Variants in NPHP3 observed in about 807,000 individuals in gnomAD.
NPHP3 encodes nephrocystin-3.
In NPHP3, 123 loss-of-function variants were observed where a neutral mutation model predicts 171.9. The observed-to-expected ratio is 0.72, with a 90% CI of 0.62 to 0.83. NPHP3 has a LOEUF of 0.83. Among genes scored for constraint, NPHP3 ranks in the 40% least tolerant of loss-of-function variants. The pLI, the probability that NPHP3 is intolerant of heterozygous loss-of-function variation, is 0.00. For missense variants in NPHP3, 1,506 were observed against 1,591.9 expected, an observed-to-expected ratio of 0.95 and a Z score of 0.92; for synonymous variants, 558 against 579.2, an observed-to-expected ratio of 0.96 and a Z score of 0.52.
chr3:132,682,655 T>G, intron 26 of NPHP3, 48 bp downstream of exon 26: 1 of 1,062,818 alleles, frequency 9.4e-7, no homozygotes, highest in Non-Finnish European at 1.5e-6. Context: ...AAGACAAAGC[T>G]ACTTCGAATA....
intron 15 of NPHP3, 21 bp downstream of exon 15, chr3:132,696,710 T>C (rs553370053): frequency 4.4e-6 from 7 of 1,608,012 alleles, no homozygotes; most frequent in African/African-American, 1.3e-5. Flanking sequence ...CAGAAGATCA[T>C]GTAAAATAAT....
chr3:132,721,642 A>G, intron 1 of NPHP3: 1 of 490,108 alleles, frequency 2.0e-6, no homozygotes, highest in Non-Finnish European at 3.8e-6. Flanking sequence ...TAAACCAGAA[A>G]TAGAAAAGCG....
intron 8 of NPHP3, 118 bp from the exon 9 acceptor site, chr3:132,704,489 G>A: frequency 1.1e-6 from 1 of 882,608 alleles, no homozygotes. Flanking sequence ...CAAACATACA[G>A]CCTTTGTATA....
intron 18 of NPHP3, among the ~76,000 whole-genome samples, 161 bp downstream of exon 18, chr3:132,691,031 T>C (rs1430687135): frequency 6.6e-6 from 1 of 152,232 alleles, no homozygotes; most frequent in East Asian, 1.9e-4. Context: ...GACAAAATCA[T>C]CTTTTGCTCT....
chr3:132,714,499 T>C (rs114431392), intron 5 of NPHP3, among the ~76,000 whole-genome samples: 2,524 of 151,180 alleles, frequency 0.017, 72 homozygotes, highest in African/African-American at 0.058. Flanking sequence ...GTGGAGAATA[T>C]GCAATGAAAA....
At chr3:132,721,539 G>A in intron 1 of NPHP3, 1 of 313,506 alleles carries the variant, frequency 3.2e-6, no homozygotes, top group South Asian at 2.5e-5. Context: ...AGCCTTCTGA[G>A]GGGGTGGGCG....
chr3:132,720,950 C>G (rs1485259126), intron 1 of NPHP3, among the ~76,000 whole-genome samples: 1 of 151,882 alleles, frequency 6.6e-6, no homozygotes, highest in Non-Finnish European at 1.5e-5. Flanking sequence ...CGGAGTCTCG[C>G]TCTGTCACCC....
chr3:132,684,095 T>C (rs980073613), intron 24 of NPHP3, among the ~76,000 whole-genome samples: 3 of 152,158 alleles, frequency 2.0e-5, no homozygotes, highest in African/African-American at 4.8e-5. Context: ...TAGAACCCTA[T>C]GGCAAACAAT....
chr3:132,713,168 T>C lies in NPHP3; in HGVS notation c.1076A>G (p.Lys359Arg). Residue 359 changes from lysine to arginine, a missense_variant, in exon 6 of 27, where the codon AAA becomes AGA. By Grantham distance (26) the Lys-to-Arg change is conservative. Around this residue, in one of 3 missense-constraint regions of NPHP3, gnomAD observed 930 missense variants for 924.9 expected, o/e 1.01. Transcript: ENST00000337331. ...YLTVRKWEIE[K>R]SSLVILFIHL... ...AATAAATAAAATAACTAAAGAACTT[T>C]TCTCAATTTCCCATTTTCTTACAGT... is the stretch of plus-strand genomic sequence containing the variant. 1 of 1,514,636 alleles carries C rather than the reference T, an allele frequency of 6.6e-7. No individual in the cohort carries two copies. The highest frequency in any genetic ancestry group is 9.1e-7 in the Non-Finnish European group (1 of 1,103,078). 93.8% of individuals were successfully genotyped at this position (1,514,636 alleles called of 1,614,324 possible).
chr3:132,703,232 C>A (rs1939661976), intron 9 of NPHP3, among the ~76,000 whole-genome samples: 1 of 152,146 alleles, frequency 6.6e-6, no homozygotes. Context: ...TTGAAGAAAT[C>A]TAGTTAGTAA....
At chr3:132,682,606 AAG>A in intron 26 of NPHP3, 95 bp downstream of exon 26, 1 of 787,256 alleles carries the variant, frequency 1.3e-6, no homozygotes. Context: ...TCCCCACTCT[AAG>A]AAAAAACATT....
Position 132,692,808 on chromosome 3 carries a change from A to G in NPHP3, c.2321T>C (p.Leu774Pro), listed in dbSNP as rs1359908663. 2.5e-6 allele frequency: 4 copies of G among 1,613,862 alleles called. No individual in the cohort carries two copies. ...CACACCATTGTGACTAACATTGACA[A>G]GGCAGAGGATCTAGGTAGAAAAACA... is the stretch of plus-strand genomic sequence containing the variant. ...DKELMKQILC[L>P]VNVSHNGVSE... is the part of the protein sequence containing the mutation. The change falls in exon 17 of 27, where the codon CTT becomes CCT. Residue 774 changes from leucine to proline, a missense_variant. Leu to Pro is a moderately conservative substitution (Grantham distance 98, BLOSUM62 -3). Around this residue, in one of 3 missense-constraint regions of NPHP3, gnomAD observed 930 missense variants for 924.9 expected, o/e 1.01. Coordinates refer to ENST00000337331, the MANE Select transcript of NPHP3 (RefSeq NM_153240.5).
rs770599037 is a variant in NPHP3 at position 132,686,306 on chromosome 3, T to C, written c.3283A>G (p.Thr1095Ala). The change falls in exon 23 of 27, where the codon ACC (threonine) becomes GCC (alanine). Residue 1095 changes from threonine (T) to alanine (A), a missense_variant. Coordinates refer to ENST00000337331, the MANE Select transcript of NPHP3 (RefSeq NM_153240.5). ...LGKDTPDNAR[T>A]LNELGVLYYL... ...TAGAGAACACCCAGTTCATTGAGGG[T>C]CCGAGCATTATCAGGTGTGTCCTTA... 1.4e-5 allele frequency: 22 copies of C among 1,613,866 alleles called. No homozygotes were observed. Among genetic ancestry groups the C allele is most frequent in the Non-Finnish European group, 1.9e-5 (22 of 1,179,802 alleles).
At chr3:132,720,979 G>A (rs1234613973) in intron 1 of NPHP3, among the ~76,000 whole-genome samples, 2 of 151,768 alleles carry the variant, frequency 1.3e-5, no homozygotes, top group Admixed American at 1.3e-4. Flanking sequence ...GTGCAATGGT[G>A]CAATCTCGGC....
intron 6 of NPHP3, among the ~76,000 whole-genome samples, chr3:132,708,570 A>G (rs1485267020): frequency 6.6e-6 from 1 of 152,244 alleles, no homozygotes; most frequent in Admixed American, 6.5e-5. Context: ...ACTTGGCTCA[A>G]AATAATGGAC....
rs764010022 is a variant in NPHP3 at position 132,688,896 on chromosome 3, G to A, written c.2884-5C>T. 8.5e-5 allele frequency: 137 copies of A among 1,613,936 alleles called. No individual in the cohort carries two copies. Among genetic ancestry groups the A allele is most frequent in the Non-Finnish European group, 1.1e-4 (133 of 1,179,992 alleles). On this transcript the variant is annotated splice_region_variant and splice_polypyrimidine_tract_variant and intron_variant, in intron 20 of 26. Coordinates refer to ENST00000337331, the MANE Select transcript of NPHP3 (RefSeq NM_153240.5). ...CCTCTGCAAAGGTACTATGGCCTGGGGGGAAAAGGGGTGAAAGGCCAGTTA... is the reference window on the plus strand; with the variant it reads ...CCTCTGCAAAGGTACTATGGCCTGGAGGGAAAAGGGGTGAAAGGCCAGTTA...
chr3:132,688,920 T>G, intron 20 of NPHP3, 29 bp from the exon 21 acceptor site: 1 of 1,613,960 alleles, frequency 6.2e-7, no homozygotes, highest in Non-Finnish European at 8.5e-7. Flanking sequence ...AAAGGCCAGT[T>G]AAAGTGAGTG....
Position 132,699,400 on chromosome 3 carries a change from T to C in NPHP3, c.1938A>G (p.Val646=), listed in dbSNP as rs139548979. ...KWLIDPLPVN[V]RVIVSVNVET... is the part of the protein sequence containing the mutation. ...CTACATTCACAGAAACAATTACTCT[T>C]ACATTCACTGGCAGTGGATCTATCA... The change falls in exon 13 of 27, where the codon GTA becomes GTG. Residue 646 remains valine (V), a synonymous_variant. Coordinates refer to ENST00000337331, the MANE Select transcript of NPHP3 (RefSeq NM_153240.5). 8 of 1,612,760 alleles carry C rather than the reference T, an allele frequency of 5.0e-6. No homozygotes were observed. The African/African-American group carries it at 5.3e-5, about 11-fold the overall frequency.
chr3:132,685,176 T>G (rs1939124789), intron 23 of NPHP3: 1 of 247,332 alleles, frequency 4.0e-6, no homozygotes, highest in South Asian at 5.0e-5. Flanking sequence ...TGTTTTTTTG[T>G]ATGTGTGCGT....
Sources: gnomAD v4.1 joint callset for allele counts (sites outside exome capture counted in the v4.1 genomes callset) on GRCh38, gnomAD v4.1.1 for gene constraint, gnomAD v4.1.1 regional missense constraint, MANE v1.5 for transcripts, NCBI Gene and HGNC (gene_info 2026-07-23, HGNC 2026-07-21) for gene names.